Variants in VAV2 observed in about 807,000 individuals in gnomAD.
The protein encoded by VAV2 is vav guanine nucleotide exchange factor 2.
VAV2 carries 67 observed loss-of-function variants against 132.5 expected under a neutral mutation model. The observed-to-expected ratio is 0.51, with a 90% CI of 0.42 to 0.62. The LOEUF is 0.62. VAV2 is among the 20% of genes least tolerant of loss of function. VAV2 has a pLI of 0.00. For missense variants in VAV2, 938 were observed against 1,153.6 expected (o/e 0.81, Z 2.71); for synonymous variants, 492 against 443.5 (o/e 1.11, Z -1.37).
At chr9:133,843,183 G>A (rs1034780152) in intron 3 of VAV2, among the ~76,000 whole-genome samples, 9 of 152,188 alleles carry the variant, frequency 5.9e-5, no homozygotes, top group African/African-American at 1.2e-4. Context: ...TGTCGGAGAT[G>A]AGCCTGACAC....
chr9:133,764,381 C>T (rs946007563), intron 29 of VAV2, among the ~76,000 whole-genome samples: 2 of 152,096 alleles, frequency 1.3e-5, no homozygotes, highest in African/African-American at 2.4e-5. Context: ...GAACATCACC[C>T]AGAACAACTA....
At chr9:133,838,495 A>ATGGG (rs1265486745) in intron 3 of VAV2, among the ~76,000 whole-genome samples, 1 of 54,872 alleles carries the variant, frequency 1.8e-5, no homozygotes, top group Non-Finnish European at 3.2e-5. Context: ...GGATGGATGG[A>ATGGG]TGGGTGGGTA....
intron 2 of VAV2, among the ~76,000 whole-genome samples, chr9:133,933,927 G>A (rs1355339573): frequency 2.6e-5 from 1 of 39,018 alleles, no homozygotes. Context: ...GATGATGGGT[G>A]AATGGATGGA....
At position 133,976,504 on chromosome 9, in the gene VAV2, C is replaced by T. The variant is rs10993881; in HGVS notation, c.204+15571G>A. 8.9e-3 allele frequency among the ~76,000 whole-genome samples: 1,352 copies of T among 152,302 alleles called. 19 individuals are homozygous for T. Among genetic ancestry groups the T allele is most frequent in the African/African-American group, 0.031 (1,302 of 41,556 alleles). ...TGCCTCGGGGTTGCAGTTGATGAAA[C>T]GAGGCCTTCATTCCCCACAAGGGAG... On this transcript the variant is annotated intron_variant, in intron 1 of 29. Coordinates refer to ENST00000371850, the MANE Select transcript of VAV2 (RefSeq NM_001134398.2).
intron 26 of VAV2, among the ~76,000 whole-genome samples, chr9:133,771,014 G>A (rs1262882815): frequency 6.6e-6 from 1 of 151,632 alleles, no homozygotes; most frequent in African/African-American, 2.4e-5. Flanking sequence ...TGCCAACGCT[G>A]GTTTCCGCTT....
At chr9:133,803,190 C>G (rs1038549802) in intron 9 of VAV2, among the ~76,000 whole-genome samples, 2 of 152,174 alleles carry the variant, frequency 1.3e-5, no homozygotes, top group South Asian at 4.2e-4. Context: ...TCTCCACATA[C>G]GCAGGGAGAT....
chr9:133,907,562 T>C (rs538370321), intron 2 of VAV2, among the ~76,000 whole-genome samples: 2 of 152,302 alleles, frequency 1.3e-5, no homozygotes, highest in South Asian at 2.1e-4. Context: ...TCCACCACGT[T>C]GGAAAGCCCC....
chr9:133,795,643 C>G (rs1416614708), intron 12 of VAV2, 25 bp downstream of exon 12: 2 of 1,613,604 alleles, frequency 1.2e-6, no homozygotes, highest in Non-Finnish European at 8.5e-7. Context: ...GGTGGCTTCT[C>G]CCCTGCCTCA....
rs3858104 is a variant in VAV2 at position 133,883,629 on chromosome 9, G to C, written c.322-22197C>G. Among the ~76,000 whole-genome samples, 353 of 152,232 alleles carry C rather than the reference G, an allele frequency of 2.3e-3. 1 individual carries two copies. Among genetic ancestry groups the C allele is most frequent in the African/African-American group, 7.9e-3 (327 of 41,554 alleles). On this transcript the variant is annotated intron_variant, in intron 2 of 29. Transcript: ENST00000371850. The surrounding 1 kb of genome is among the most constrained non-coding windows in gnomAD (Gnocchi z 4.2). ...CCCAGCAGCAGGCAGGTTTCAGCTC[G>C]GCCGGAGCAGGCCCTCAGGCACTGG...
intron 2 of VAV2, among the ~76,000 whole-genome samples, chr9:133,910,537 G>A (rs1330234073): frequency 2.6e-5 from 4 of 151,988 alleles, no homozygotes; most frequent in African/African-American, 4.8e-5. Context: ...AAGGCTGGGC[G>A]CGGTGGCTCA....
At chr9:133,845,471 A>G (rs1588259737) in intron 3 of VAV2, among the ~76,000 whole-genome samples, 1 of 152,356 alleles carries the variant, frequency 6.6e-6, no homozygotes, top group Middle Eastern at 3.4e-3. Flanking sequence ...GTGTCACCTC[A>G]GGCGAGATCT....
intron 1 of VAV2, among the ~76,000 whole-genome samples, chr9:133,944,498 CTGACAA>C (rs1302917160): frequency 3.9e-5 from 6 of 152,208 alleles, no homozygotes; most frequent in Admixed American, 2.0e-4. Context: ...ATAGCAGAGC[CTGACAA>C]TGACCACAGG....
At chr9:133,895,928 C>CTTTT (rs551480342) in intron 2 of VAV2, among the ~76,000 whole-genome samples, 4 of 115,212 alleles carry the variant, frequency 3.5e-5, no homozygotes, top group South Asian at 3.1e-4. Flanking sequence ...ACACTAAAAT[C>CTTTT]TTTTTTTTTT....
chr9:133,838,792 T>A (rs937567579), intron 3 of VAV2, among the ~76,000 whole-genome samples: 1 of 131,364 alleles, frequency 7.6e-6, no homozygotes, highest in Admixed American at 8.4e-5. Context: ...GCTGAGTGCA[T>A]GAGTGGGTGG....
intron 9 of VAV2, among the ~76,000 whole-genome samples, chr9:133,805,824 C>G (rs192840777): frequency 6.6e-6 from 1 of 152,248 alleles, no homozygotes; most frequent in Non-Finnish European, 1.5e-5. Context: ...ACACCTCTCA[C>G]AGCCAGTTAG....
At chr9:133,825,306 C>T (rs113333954) in intron 4 of VAV2, among the ~76,000 whole-genome samples, 4,035 of 152,230 alleles carry the variant, frequency 0.027, 162 homozygotes, top group African/African-American at 0.09. Context: ...GAGCCTCGGG[C>T]CACCAGGGAG....
rs558343473 is a variant in VAV2, at chr9:133,872,541, C to T, written c.322-11109G>A. 3.5e-5 allele frequency among the ~76,000 whole-genome samples: 5 copies of T among 142,602 alleles called. No homozygotes were observed. The South Asian group carries it at 8.5e-4, about 24-fold the overall frequency. The allele number at this position is 142,602 out of a possible 152,430, so 93.6% of individuals were successfully genotyped here. A position where few individuals can be genotyped will look rare whatever the true frequency, so the allele number is the denominator to read the frequency against. ...GGGTCGGGGTCCTAGGCCCAGTTCC[C>T]GACACCTCCAGAGGAAACCCAAAGC... On this transcript the variant is annotated intron_variant, in intron 2 of 29. Transcript: ENST00000371850.
At chr9:133,785,279 C>T (rs928515734) in intron 17 of VAV2, among the ~76,000 whole-genome samples, 4 of 152,214 alleles carry the variant, frequency 2.6e-5, no homozygotes, top group Non-Finnish European at 5.9e-5. Flanking sequence ...CTCCAGGGTC[C>T]GTGTTCCGGG....
At chr9:133,972,140 AGAATT>A (rs1355718512) in intron 1 of VAV2, among the ~76,000 whole-genome samples, 1 of 152,212 alleles carries the variant, frequency 6.6e-6, no homozygotes. Flanking sequence ...CATGCTGCCA[AGAATT>A]CGGGCCGCAC....
Sources: allele counts gnomAD v4.1 joint callset (sites outside exome capture counted in the v4.1 genomes callset), GRCh38; gene constraint gnomAD v4.1.1; non-coding constraint Gnocchi (gnomAD v3.1); transcripts MANE v1.5; gene names NCBI Gene and HGNC (gene_info 2026-07-23, HGNC 2026-07-21).